The following LARGE1 variants were observed in gnomAD, a reference collection of about 807,000 sequenced individuals.
The protein encoded by LARGE1 is LARGE xylosyl- and glucuronyltransferase 1, also known as xylosyl- and glucuronyltransferase LARGE1.
Under a neutral mutation model 87.6 loss-of-function variants are expected in LARGE1, and 43 were observed. The ratio of observed to expected loss-of-function variants is 0.49; its 90% CI spans 0.38 to 0.63. The LOEUF (loss-of-function observed/expected upper bound fraction) is 0.63, where lower values mean the gene tolerates loss of function less well. LARGE1 is among the 30% of genes least tolerant of loss of function. LARGE1 has a pLI of 0.00. For synonymous variants in LARGE1, 434 were observed against 394.6 expected (o/e 1.10, Z -1.18); for missense variants, 802 against 1,000.2 (o/e 0.80, Z 2.67).
chr22:33,858,862 T>A (rs373005374), intron 1 of LARGE1, among the ~76,000 whole-genome samples: 31 of 152,214 alleles, frequency 2.0e-4, no homozygotes, highest in African/African-American at 7.2e-4. Context: ...TATGCAGCCA[T>A]AAAAAAGGAT....
chr22:33,650,735 C>A, intron 2 of LARGE1, 67 bp from the exon 3 acceptor site: 1 of 1,559,296 alleles, frequency 6.4e-7, no homozygotes, highest in African/African-American at 1.3e-5. Context: ...TCCAAGTTCC[C>A]CAGACATCCC....
At chr22:33,627,193 C>T (rs2079949010) in intron 3 of LARGE1, among the ~76,000 whole-genome samples, 1 of 152,224 alleles carries the variant, frequency 6.6e-6, no homozygotes, top group South Asian at 2.1e-4. Context: ...CTGGGCGGGG[C>T]TGGCATCCTC....
At chr22:33,687,069 C>T (rs1420447265) in intron 2 of LARGE1, among the ~76,000 whole-genome samples, 1 of 152,062 alleles carries the variant, frequency 6.6e-6, no homozygotes, top group African/African-American at 2.4e-5. Context: ...TCTTGGGGAT[C>T]ACTGCACTGG....
chr22:33,073,199 C>A, the LARGE1 span, among the ~76,000 whole-genome samples: 1 of 152,188 alleles, frequency 6.6e-6, no homozygotes, highest in Non-Finnish European at 1.5e-5. Flanking sequence ...CTTTAAACTT[C>A]ATTCCTAAAG....
chr22:33,530,745 C>T (rs901352472), intron 6 of LARGE1, among the ~76,000 whole-genome samples: 2 of 152,120 alleles, frequency 1.3e-5, no homozygotes, highest in Non-Finnish European at 2.9e-5. Flanking sequence ...GGGATGAGGA[C>T]CAGGATCTAA....
At chr22:33,171,715 A>G (rs1922582937) in intron 11 of LARGE1, among the ~76,000 whole-genome samples, 1 of 152,238 alleles carries the variant, frequency 6.6e-6, no homozygotes, top group South Asian at 2.1e-4. Context: ...ATGTCCACCT[A>G]GATTTCAGAG....
chr22:33,122,317 G>A, the LARGE1 span, among the ~76,000 whole-genome samples: 39 of 151,698 alleles, frequency 2.6e-4, no homozygotes, highest in African/African-American at 7.2e-4. Context: ...CTGCATGTTC[G>A]TGGGCAGTAT....
intron 1 of LARGE1, among the ~76,000 whole-genome samples, chr22:33,826,832 C>T (rs572128246): frequency 1.3e-5 from 2 of 152,162 alleles, no homozygotes; most frequent in East Asian, 3.9e-4. Context: ...CTCATCTTAA[C>T]TCATTTTTTA....
In LARGE1 at chr22:33,489,510, T is replaced by C. The variant is rs747114026; in HGVS notation, c.788-57245A>G. Among the ~76,000 whole-genome samples the C allele has an allele frequency of 1.3e-4, 20 of 152,170 alleles. 1 individual carries two copies. Among genetic ancestry groups the C allele is most frequent in the South Asian group, 4.1e-4 (2 of 4,826 alleles). On this transcript the variant is annotated intron_variant, in intron 6 of 14. Coordinates refer to ENST00000397394, the MANE Select transcript of LARGE1 (RefSeq NM_133642.5). ...GACCCAGTAGGAGATAACTGAATCA[T>C]GGAGGTGGTTTCCCCCATACTGTTC...
intron 7 of LARGE1, among the ~76,000 whole-genome samples, chr22:33,392,968 C>T (rs2065587956): frequency 6.6e-6 from 1 of 152,142 alleles, no homozygotes; most frequent in African/African-American, 2.4e-5. Flanking sequence ...CTTATAGTGT[C>T]ACAGCCTGCA....
At chr22:33,416,669 T>G (rs1384916582) in intron 7 of LARGE1, among the ~76,000 whole-genome samples, 2 of 152,100 alleles carry the variant, frequency 1.3e-5, no homozygotes, top group Admixed American at 6.6e-5. Context: ...AAAGGTGCGA[T>G]CTCGGCTCAC....
chr22:33,342,975 A>C (rs933914513), intron 9 of LARGE1, among the ~76,000 whole-genome samples: 2 of 152,214 alleles, frequency 1.3e-5, no homozygotes, highest in African/African-American at 4.8e-5. Context: ...CTAGGATCTA[A>C]ATAAATAATA....
At chr22:33,734,010 A>T (rs2083563509) in intron 2 of LARGE1, among the ~76,000 whole-genome samples, 2 of 152,174 alleles carry the variant, frequency 1.3e-5, no homozygotes, top group African/African-American at 4.8e-5. Context: ...ATTGGTTCTG[A>T]AGGGTGTCAG....
At chr22:33,643,404 T>C (rs556728004) in intron 3 of LARGE1, among the ~76,000 whole-genome samples, 10 of 152,146 alleles carry the variant, frequency 6.6e-5, no homozygotes, top group Non-Finnish European at 1.0e-4. Flanking sequence ...GCAGTGTTTA[T>C]AGGGAAATTT....
At chr22:33,642,548 A>G in intron 3 of LARGE1, among the ~76,000 whole-genome samples, 1 of 152,036 alleles carries the variant, frequency 6.6e-6, no homozygotes, top group East Asian at 1.9e-4. Flanking sequence ...TTAACCTTAA[A>G]TGTAAATGGG....
chr22:33,325,785 C>T (rs542843409), intron 10 of LARGE1, among the ~76,000 whole-genome samples: 1 of 152,320 alleles, frequency 6.6e-6, no homozygotes, highest in African/African-American at 2.4e-5. Context: ...AAGCATGTTG[C>T]TTTGCACTTT....
rs375985341 is a variant in LARGE1 at position 33,774,870 on chromosome 22, G to A, written c.-82-13312C>T. ...AGAGCCACATGGGCTAGTGGCCACC[G>A]TGCTGGACTGTGCAGGTTTCAGTAT... On this transcript the variant is annotated intron_variant, in intron 1 of 14. Transcript: ENST00000397394. Among the ~76,000 whole-genome samples, 22 of 152,258 alleles carry A rather than the reference G, an allele frequency of 1.4e-4. No individual in the cohort carries two copies. In the East Asian group the frequency reaches 3.9e-3, roughly 27 times the overall value.
At chr22:33,382,447 A>T (rs1008300416) in intron 8 of LARGE1, among the ~76,000 whole-genome samples, 1 of 152,148 alleles carries the variant, frequency 6.6e-6, no homozygotes, top group African/African-American at 2.4e-5. Flanking sequence ...CATGATGACA[A>T]GTAGCCCCAC....
intron 11 of LARGE1, among the ~76,000 whole-genome samples, chr22:33,170,351 A>G (rs534310717): frequency 1.4e-4 from 22 of 152,284 alleles, no homozygotes; most frequent in African/African-American, 5.1e-4. Flanking sequence ...CCTGGATGAC[A>G]AAGCAAGACT....
Sources: allele counts gnomAD v4.1 joint callset (sites outside exome capture counted in the v4.1 genomes callset), GRCh38; gene constraint gnomAD v4.1.1; transcripts MANE v1.5; gene names NCBI Gene and HGNC (gene_info 2026-07-23, HGNC 2026-07-21).